PCDHGA3: variants seen among roughly 807,000 people sequenced by gnomAD.
PCDHGA3 encodes the protein protocadherin gamma subfamily A, 3, also known as protocadherin gamma-A3.
Under a neutral mutation model 58.5 loss-of-function variants are expected in PCDHGA3, and 40 were observed. The observed-to-expected ratio is 0.68, with a 90% CI of 0.53 to 0.89. The LOEUF (loss-of-function observed/expected upper bound fraction) is 0.89. Ranked by LOEUF, PCDHGA3 falls within the 40% of genes least tolerant of loss-of-function variation. PCDHGA3 has a pLI of 0.00. For synonymous variants in PCDHGA3, 530 were observed against 525.7 expected (o/e 1.01, Z -0.11); for missense variants, 1,223 against 1,195.9 (o/e 1.02, Z -0.33).
chr5:141,361,531 C>T, intron 1 of PCDHGA3: 2 of 1,614,040 alleles, frequency 1.2e-6, no homozygotes, highest in Non-Finnish European at 1.7e-6. Flanking sequence ...AGAGAACAAT[C>T]CTCCTGGCGC....
Position 141,485,243 on chromosome 5 carries a change from C to A in PCDHGA3, c.2425-9564C>A. ...TACCCTTTTGTTCCTCTTTTACCACCTGGGTTACGTTTGTGGGCAGATCCG... is the reference window on the plus strand; with the variant it reads ...TACCCTTTTGTTCCTCTTTTACCACATGGGTTACGTTTGTGGGCAGATCCG... On this transcript the variant is annotated intron_variant, in intron 1 of 3. Transcript: ENST00000253812. This position sits in a 1 kb window ranked among gnomAD's most constrained non-coding sequence, Gnocchi z 5.7. 1 of 1,614,180 alleles carries A rather than the reference C, an allele frequency of 6.2e-7. No homozygotes were observed. The highest frequency in any genetic ancestry group is 8.5e-7 in the Non-Finnish European group (1 of 1,180,000).
chr5:141,384,020 G>A (rs1158407540), intron 1 of PCDHGA3: 2 of 1,613,612 alleles, frequency 1.2e-6, no homozygotes, highest in Admixed American at 3.3e-5. Flanking sequence ...CTACAAGACA[G>A]AGATTCTGGA....
In PCDHGA3 at chr5:141,489,126, T is replaced by C; in HGVS notation, c.2425-5681T>C. ...TGCAAGCAGGCAAACCTCCGAGCAG[T>C]TTTTAAGAGGCTGGAAGGAGACATA... On this transcript the variant is annotated intron_variant, in intron 1 of 3. Coordinates refer to ENST00000253812, the MANE Select transcript of PCDHGA3 (RefSeq NM_018916.4). This position sits in a 1 kb window ranked among gnomAD's most constrained non-coding sequence, Gnocchi z 4.5. 1.7e-6 allele frequency: 1 copy of C among 585,136 alleles called. No individual in the cohort carries two copies. Among genetic ancestry groups the C allele is most frequent in the South Asian group, 3.2e-5 (1 of 31,406 alleles). The allele number at this position is 585,136 out of a possible 1,614,324, so 36.2% of individuals were successfully genotyped here. A position where few individuals can be genotyped will look rare whatever the true frequency, so the allele number is the denominator to read the frequency against.
At position 141,390,587 on chromosome 5, in the gene PCDHGA3, A is replaced by G. The variant is rs1043489470; in HGVS notation, c.2424+44130A>G. The G allele has an allele frequency of 4.1e-5, 14 of 340,484 alleles. No homozygotes were observed. The Admixed American group carries it at 6.3e-4, about 15-fold the overall frequency. The allele number at this position is 340,484 out of a possible 1,614,324, so 21.1% of individuals were successfully genotyped here. A position where few individuals can be genotyped will look rare whatever the true frequency, so the allele number is the denominator to read the frequency against. Reference sequence around the variant, plus strand: ...TTGGCTCTCTCCTAAAAAGTGAATGAGATTTTTCCTATACATTTTCCTTCT... The same window carrying G: ...TTGGCTCTCTCCTAAAAAGTGAATGGGATTTTTCCTATACATTTTCCTTCT... On this transcript the variant is annotated intron_variant, in intron 1 of 3. Transcript: ENST00000253812.
intron 1 of PCDHGA3, chr5:141,440,036 A>T (rs540100930): frequency 6.5e-6 from 1 of 153,058 alleles, no homozygotes; most frequent in Non-Finnish European, 1.5e-5. Context: ...TGTCGAGGAC[A>T]TGCCCACTTG....
In PCDHGA3 at chr5:141,380,519, G is replaced by C. The variant is rs564373516; in HGVS notation, c.2424+34062G>C. 2.0e-5 allele frequency among the ~76,000 whole-genome samples: 3 copies of C among 152,234 alleles called. No homozygotes were observed. In the East Asian group the frequency reaches 5.8e-4, roughly 29 times the overall value. ...CAATAATATACACTCTTTAAACTATGAAATGATTTCAATTTGATACAATGA... is the reference window on the plus strand; with the variant it reads ...CAATAATATACACTCTTTAAACTATCAAATGATTTCAATTTGATACAATGA... On this transcript the variant is annotated intron_variant, in intron 1 of 3. Transcript: ENST00000253812.
At chr5:141,374,089 G>A in intron 1 of PCDHGA3, 1 of 1,532,432 alleles carries the variant, frequency 6.5e-7, no homozygotes, top group Non-Finnish European at 8.8e-7. Flanking sequence ...CAGTAATGGC[G>A]CCTCCGCAGA....
chr5:141,403,690 T>G, intron 1 of PCDHGA3: 1 of 1,613,908 alleles, frequency 6.2e-7, no homozygotes, highest in Non-Finnish European at 8.5e-7. Context: ...CTCAACGGAT[T>G]TACCGAGTTA....
rs775290219 is a variant in PCDHGA3 at position 141,423,576 on chromosome 5, G to A, written c.2425-71231G>A. On this transcript the variant is annotated intron_variant, in intron 1 of 3. Transcript: ENST00000253812. ...ACTATGGGGACACGCTCATCAGCCAGGAGAGCTGTGAGAAAAGCGAGCCAC... is the reference window on the plus strand; with the variant it reads ...ACTATGGGGACACGCTCATCAGCCAAGAGAGCTGTGAGAAAAGCGAGCCAC... The A allele has an allele frequency of 1.9e-6, 3 of 1,613,588 alleles. No homozygotes were observed. In the Admixed American group the frequency reaches 5.0e-5, roughly 27 times the overall value.
chr5:141,402,965 A>G, intron 1 of PCDHGA3: 2 of 1,606,016 alleles, frequency 1.2e-6, no homozygotes, highest in Non-Finnish European at 1.7e-6. Flanking sequence ...GGCAGCTCCA[A>G]CCAAATGCCA....
Position 141,345,890 on chromosome 5 carries a change from G to A in PCDHGA3, c.1857G>A (p.Val619=), listed in dbSNP as rs532588683. The A allele has an allele frequency of 3.6e-5, 58 of 1,613,234 alleles. No individual in the cohort carries two copies. Among genetic ancestry groups the A allele is most frequent in the Non-Finnish European group, 4.6e-5 (54 of 1,179,872 alleles). Residue 619 remains valine, a synonymous_variant, in exon 1 of 4, where the codon GTG becomes GTA. Coordinates refer to ENST00000253812, the MANE Select transcript of PCDHGA3 (RefSeq NM_018916.4). ...LKASEPGLFS[V]GLHTGEVRTA... is the part of the protein sequence containing the mutation. ...CCAGCGAGCCGGGACTCTTCTCGGT[G>A]GGTCTGCACACGGGCGAGGTGCGCA...
At chr5:141,399,910 G>T in intron 1 of PCDHGA3, 1 of 1,612,438 alleles carries the variant, frequency 6.2e-7, no homozygotes, top group Non-Finnish European at 8.5e-7. Context: ...CGCAGACTCA[G>T]GACACAACGC....
chr5:141,470,379 A>G (rs1210709847), intron 1 of PCDHGA3, among the ~76,000 whole-genome samples: 1 of 152,086 alleles, frequency 6.6e-6, no homozygotes, highest in East Asian at 1.9e-4. Flanking sequence ...TGGAAAGACT[A>G]CTCGATGATA....
intron 1 of PCDHGA3, chr5:141,408,475 CCGT>C: frequency 6.2e-7 from 1 of 1,614,032 alleles, no homozygotes; most frequent in Non-Finnish European, 8.5e-7. Context: ...ACCGAATAGA[CCGT>C]GAGCAAATAT....
Position 141,405,029 on chromosome 5 carries a change from C to G in PCDHGA3, c.2424+58572C>G, listed in dbSNP as rs565871444. 16 of 1,613,976 alleles carry G rather than the reference C, an allele frequency of 9.9e-6. No individual in the cohort carries two copies. The Admixed American group carries it at 1.0e-4, about 10-fold the overall frequency. On this transcript the variant is annotated intron_variant, in intron 1 of 3. Coordinates refer to ENST00000253812, the MANE Select transcript of PCDHGA3 (RefSeq NM_018916.4). ...GGAGGCCTCAGACCTTACCCTCTAC[C>G]TCGTTGTGGCTGTGGCAGTCGTCTC...
At chr5:141,366,053 G>T in intron 1 of PCDHGA3, 1 of 1,614,252 alleles carries the variant, frequency 6.2e-7, no homozygotes, top group Non-Finnish European at 8.5e-7. Context: ...TTCCACGGGC[G>T]TGGAGCTGGC....
intron 1 of PCDHGA3, chr5:141,375,586 G>A: frequency 6.2e-7 from 1 of 1,614,128 alleles, no homozygotes; most frequent in Non-Finnish European, 8.5e-7. Flanking sequence ...GGGCGCCCCT[G>A]TCCTCCTACG....
At chr5:141,357,222 C>G in intron 1 of PCDHGA3, 1 of 1,613,872 alleles carries the variant, frequency 6.2e-7, no homozygotes, top group Non-Finnish European at 8.5e-7. Context: ...TCCTGGCTGA[C>G]TTGGGCAGCC....
At chr5:141,463,075 A>G (rs943294678) in intron 1 of PCDHGA3, among the ~76,000 whole-genome samples, 3 of 152,180 alleles carry the variant, frequency 2.0e-5, no homozygotes, top group East Asian at 1.9e-4. Context: ...ATGAAATTCA[A>G]ACATTTTCCA....
Sources: gnomAD v4.1 joint callset for allele counts (sites outside exome capture counted in the v4.1 genomes callset) on GRCh38, gnomAD v4.1.1 for gene constraint, Gnocchi (gnomAD v3.1) non-coding constraint, MANE v1.5 for transcripts, NCBI Gene and HGNC (gene_info 2026-07-23, HGNC 2026-07-21) for gene names.